The following GPD2 variants were observed in gnomAD, a reference collection of about 807,000 sequenced individuals.
GPD2 encodes the protein glycerol-3-phosphate dehydrogenase, mitochondrial.
In GPD2, 54 loss-of-function variants were observed where a neutral mutation model predicts 82.4. The observed-to-expected ratio is 0.66, with a 90% CI of 0.53 to 0.82. The LOEUF (loss-of-function observed/expected upper bound fraction) is 0.82. Among genes scored for constraint, GPD2 ranks in the 40% least tolerant of loss-of-function variants. The probability of loss-of-function intolerance (pLI) is 0.00; values close to 1 mark genes in which losing one functional copy is unlikely to be tolerated. For missense variants in GPD2, 748 were observed against 896.2 expected, an observed-to-expected ratio of 0.83 and a Z score of 2.11; for synonymous variants, 288 against 306.1, an observed-to-expected ratio of 0.94 and a Z score of 0.62.
Position 156,569,455 on chromosome 2 carries a change from G to T in GPD2, c.1393G>T (p.Val465Phe). ...TTTAAAAGCAGGACCAAGTAGAACAGTTGGGCTTTTCCTTCAAGGGGGTAA... is the reference window on the plus strand; with the variant it reads ...TTTAAAAGCAGGACCAAGTAGAACATTTGGGCTTTTCCTTCAAGGGGGTAA... ...HNLKAGPSRT[V>F]GLFLQGGKDW... The change falls in exon 11 of 17, where the codon GTT becomes TTT. Residue 465 changes from valine to phenylalanine, a missense_variant. Around this residue, in one of 3 missense-constraint regions of GPD2, gnomAD observed 692 missense variants for 809.7 expected, o/e 0.85. Coordinates refer to ENST00000438166, the MANE Select transcript of GPD2 (RefSeq NM_000408.5). The T allele has an allele frequency of 6.2e-7, 1 of 1,611,580 alleles. No homozygotes were observed. Among genetic ancestry groups the T allele is most frequent in the South Asian group, 1.1e-5 (1 of 91,032 alleles).
In GPD2 at chr2:156,519,837, G is replaced by A. The variant is rs1466157289; in HGVS notation, c.661+6341G>A. On this transcript the variant is annotated intron_variant, in intron 6 of 16. Transcript: ENST00000438166. ...GCCTTTGGGCTCCAGCCCCATGGCA[G>A]CATCTAGGGGTGTGTTATGATTAAT... 3.9e-5 allele frequency among the ~76,000 whole-genome samples: 6 copies of A among 152,232 alleles called. No individual in the cohort carries two copies. In the East Asian group the frequency reaches 1.2e-3, roughly 29 times the overall value.
chr2:156,433,414 G>A (rs1688341703), upstream of GPD2, among the ~76,000 whole-genome samples: 1 of 151,974 alleles, frequency 6.6e-6, no homozygotes, highest in Admixed American at 6.6e-5. Flanking sequence ...TGACTCCTCT[G>A]ACCTTGTGGC....
At chr2:156,453,960 A>G (rs1682704980) in intron 1 of GPD2, among the ~76,000 whole-genome samples, 1 of 152,210 alleles carries the variant, frequency 6.6e-6, no homozygotes, top group South Asian at 2.1e-4. Flanking sequence ...GAAGGTCATC[A>G]GCAAATAAGG....
rs1256312388 is a variant in GPD2, at chr2:156,495,554, A to G, written c.103-490A>G. ...ACTGACTTTAACTTATGTACCCCCA[A>G]ACTCTAGAATATAGTTTTGTCAGGA... On this transcript the variant is annotated intron_variant, in intron 2 of 16. Transcript: ENST00000438166. 2 of 443,140 alleles carry G rather than the reference A, an allele frequency of 4.5e-6. 1 individual carries two copies. Among genetic ancestry groups the G allele is most frequent in the South Asian group, 3.4e-5 (2 of 58,142 alleles). 27.5% of individuals were successfully genotyped at this position (443,140 alleles called of 1,614,324 possible).
At chr2:156,565,197 G>T (rs545205929) in intron 9 of GPD2, among the ~76,000 whole-genome samples, 1 of 152,092 alleles carries the variant, frequency 6.6e-6, no homozygotes, top group South Asian at 2.1e-4. Flanking sequence ...CCAAATTCCT[G>T]ATCAGTGTGG....
At chr2:156,578,059 T>A (rs189288580) in intron 13 of GPD2, among the ~76,000 whole-genome samples, 1 of 152,282 alleles carries the variant, frequency 6.6e-6, no homozygotes, top group African/African-American at 2.4e-5. Context: ...AGGAAAGAGA[T>A]TTGTGAACAA....
upstream of GPD2, among the ~76,000 whole-genome samples, chr2:156,431,885 CT>C (rs34394250): frequency 0.29 from 34,165 of 119,278 alleles, 3,957 homozygotes; most frequent in Middle Eastern, 0.42. Flanking sequence ...TCTGTGAAAT[CT>C]TTTTTTTTTT....
At chr2:156,571,812 C>G (rs959127485) in intron 13 of GPD2, among the ~76,000 whole-genome samples, 1 of 152,008 alleles carries the variant, frequency 6.6e-6, no homozygotes, top group African/African-American at 2.4e-5. Flanking sequence ...CAGGGTTAGG[C>G]TAAGTAGATC....
At chr2:156,455,791 A>G (rs749158336) in intron 1 of GPD2, among the ~76,000 whole-genome samples, 1 of 152,162 alleles carries the variant, frequency 6.6e-6, no homozygotes, top group Non-Finnish European at 1.5e-5. Context: ...CTAAGCCATT[A>G]GTTTTTTAAA....
At chr2:156,430,757 T>C (rs1444702275), upstream of GPD2, among the ~76,000 whole-genome samples, 1 of 152,232 alleles carries the variant, frequency 6.6e-6, no homozygotes, top group Admixed American at 6.5e-5. Flanking sequence ...GAAAAATTTG[T>C]TTTTCTCTAG....
intron 8 of GPD2, 110 bp downstream of exon 8, chr2:156,550,856 A>T: frequency 1.1e-6 from 1 of 897,818 alleles, no homozygotes; most frequent in South Asian, 1.4e-5. Context: ...TTGCTGTTCA[A>T]AATCAGGAGA....
intron 1 of GPD2, among the ~76,000 whole-genome samples, chr2:156,443,512 T>TGG (rs1323405324): frequency 6.6e-6 from 1 of 152,218 alleles, no homozygotes; most frequent in African/African-American, 2.4e-5. Context: ...TTTCAGGTAA[T>TGG]CTATTCAACT....
intron 6 of GPD2, 39 bp from the exon 7 acceptor site, chr2:156,549,569 G>A (rs1686673538): frequency 6.3e-7 from 1 of 1,592,902 alleles, no homozygotes; most frequent in Non-Finnish European, 8.6e-7. Context: ...GTGGCTCGAG[G>A]TGACTCCTCT....
chr2:156,428,621 G>C, the GPD2 span, among the ~76,000 whole-genome samples: 1 of 152,178 alleles, frequency 6.6e-6, no homozygotes, highest in South Asian at 2.1e-4. Context: ...GAAGGGAACA[G>C]GATTATTTAT....
chr2:156,485,460 GATC>G (rs1233666708), intron 2 of GPD2, among the ~76,000 whole-genome samples: 1 of 152,200 alleles, frequency 6.6e-6, no homozygotes, highest in South Asian at 2.1e-4. Flanking sequence ...TTTTGTAAAT[GATC>G]ATGCCTCATC....
intron 6 of GPD2, among the ~76,000 whole-genome samples, chr2:156,520,834 C>T (rs1685379873): frequency 2.6e-5 from 4 of 152,182 alleles, no homozygotes; most frequent in African/African-American, 9.7e-5. Context: ...AGTCCGCCTG[C>T]CTCAGCCTCT....
At chr2:156,468,439 C>G (rs936199742) in intron 1 of GPD2, among the ~76,000 whole-genome samples, 6 of 152,292 alleles carry the variant, frequency 3.9e-5, no homozygotes, top group African/African-American at 1.4e-4. Flanking sequence ...GACAGTGTGA[C>G]ACGACTCAAA....
In GPD2 at chr2:156,579,795, TGTG is replaced by T; in HGVS notation, c.2058+11_2058+13del. 7.5e-7 allele frequency: 1 copy of T among 1,338,870 alleles called. No individual in the cohort carries two copies. The highest frequency in any genetic ancestry group is 1.1e-6 in the Non-Finnish European group (1 of 928,420). The allele number at this position is 1,338,870 out of a possible 1,614,324, so 82.9% of individuals were successfully genotyped here. ...ACTCAATGAATTTTTGCAGGTGAGT[TGTG>T]GTGAAAGGAAACAAGGATATTTGCT... On this transcript the variant is annotated splice_region_variant and intron_variant, in intron 16 of 16. Transcript: ENST00000438166.
intron 6 of GPD2, among the ~76,000 whole-genome samples, chr2:156,536,183 G>A (rs1277193120): frequency 6.6e-6 from 1 of 152,170 alleles, no homozygotes; most frequent in Non-Finnish European, 1.5e-5. Context: ...ATACGGTCAC[G>A]TCAAAGTGCT....
Sources: allele counts gnomAD v4.1 joint callset (sites outside exome capture counted in the v4.1 genomes callset), GRCh38; gene constraint gnomAD v4.1.1; regional missense constraint gnomAD v4.1.1; transcripts MANE v1.5; gene names NCBI Gene and HGNC (gene_info 2026-07-23, HGNC 2026-07-21).